DLG2: variants seen among roughly 807,000 people sequenced by gnomAD.
The protein encoded by DLG2 is discs large MAGUK scaffold protein 2, also known as disks large homolog 2.
DLG2 carries 45 observed loss-of-function variants against 132.5 expected under a neutral mutation model. That is an observed-to-expected ratio of 0.34 (90% CI 0.27 to 0.44). DLG2 has a LOEUF of 0.44. DLG2 is among the 20% of genes least tolerant of loss of function. The probability of loss-of-function intolerance (pLI) is 1.00; values close to 1 mark genes in which losing one functional copy is unlikely to be tolerated. For missense variants in DLG2, 1,045 were observed against 1,196.9 expected, an observed-to-expected ratio of 0.87 and a Z score of 1.87; for synonymous variants, 424 against 419.6, an observed-to-expected ratio of 1.01 and a Z score of -0.13.
intron 19 of DLG2, among the ~76,000 whole-genome samples, chr11:83,598,488 C>G (rs1411292292): frequency 6.6e-6 from 1 of 152,208 alleles, no homozygotes; most frequent in Non-Finnish European, 1.5e-5. Context: ...CAAAATGGTT[C>G]TAATACTGCT....
At chr11:85,200,990 C>T (rs1379635494) in intron 4 of DLG2, among the ~76,000 whole-genome samples, 2 of 151,950 alleles carry the variant, frequency 1.3e-5, no homozygotes, top group African/African-American at 4.8e-5. Flanking sequence ...GACTCATGCT[C>T]CTCATGGCTA....
intron 15 of DLG2, among the ~76,000 whole-genome samples, chr11:83,899,504 C>A (rs184679324): frequency 2.0e-5 from 3 of 152,254 alleles, no homozygotes; most frequent in Non-Finnish European, 4.4e-5. Flanking sequence ...GTGGGAGGGA[C>A]CTGGTGGGAG....
chr11:84,680,586 T>C (rs1417654246), intron 6 of DLG2, among the ~76,000 whole-genome samples: 1 of 152,166 alleles, frequency 6.6e-6, no homozygotes, highest in East Asian at 1.9e-4. Context: ...TCCCAAATAT[T>C]TGTCTAAAAA....
At chr11:84,210,883 G>A (rs1216958567) in intron 8 of DLG2, among the ~76,000 whole-genome samples, 4 of 152,168 alleles carry the variant, frequency 2.6e-5, no homozygotes, top group African/African-American at 9.6e-5. Context: ...GGTGATGTCA[G>A]TACTCTATAT....
intron 3 of DLG2, among the ~76,000 whole-genome samples, chr11:85,359,801 A>G (rs77839459): frequency 0.035 from 5,318 of 152,302 alleles, 143 homozygotes; most frequent in Admixed American, 0.049. Flanking sequence ...GGAGTACTAC[A>G]GAGGAGTAGA....
chr11:83,594,249 T>C (rs947381524), intron 19 of DLG2, among the ~76,000 whole-genome samples: 2 of 152,218 alleles, frequency 1.3e-5, no homozygotes, highest in Non-Finnish European at 2.9e-5. Flanking sequence ...AGCTCTAAGA[T>C]TGTGGCCCCT....
chr11:85,294,378 C>T (rs1156405232), intron 3 of DLG2, among the ~76,000 whole-genome samples: 1 of 151,604 alleles, frequency 6.6e-6, no homozygotes, highest in Middle Eastern at 3.4e-3. Flanking sequence ...GAAAGAGACT[C>T]GAAGAGGAAT....
chr11:85,398,511 A>G (rs1050450559), intron 3 of DLG2, among the ~76,000 whole-genome samples: 1 of 152,172 alleles, frequency 6.6e-6, no homozygotes, highest in Non-Finnish European at 1.5e-5. Flanking sequence ...GAAAATATCA[A>G]CAAAATTGAT....
At chr11:84,612,289 T>C (rs2099596821) in intron 6 of DLG2, among the ~76,000 whole-genome samples, 2 of 152,174 alleles carry the variant, frequency 1.3e-5, no homozygotes, top group South Asian at 2.1e-4. Flanking sequence ...AGTATTTCAA[T>C]GTATGGAAGT....
At chr11:83,808,435 G>C (rs1297669603) in intron 17 of DLG2, among the ~76,000 whole-genome samples, 1 of 152,154 alleles carries the variant, frequency 6.6e-6, no homozygotes, top group Admixed American at 6.5e-5. Flanking sequence ...GAGACCAAGA[G>C]GCATTAAGTC....
At chr11:84,452,858 A>G (rs1255668955) in intron 7 of DLG2, among the ~76,000 whole-genome samples, 1 of 151,732 alleles carries the variant, frequency 6.6e-6, no homozygotes, top group African/African-American at 2.4e-5. Flanking sequence ...TTCAGCCTCT[A>G]CAATGTAGCA....
intron 4 of DLG2, among the ~76,000 whole-genome samples, chr11:85,161,807 T>G (rs919976484): frequency 6.6e-6 from 1 of 152,200 alleles, no homozygotes; most frequent in Non-Finnish European, 1.5e-5. Flanking sequence ...GACAATACTT[T>G]GCAGGGCTTG....
At chr11:84,612,890 T>A (rs1164673062) in intron 6 of DLG2, among the ~76,000 whole-genome samples, 1 of 152,160 alleles carries the variant, frequency 6.6e-6, no homozygotes, top group African/African-American at 2.4e-5. Context: ...GTGGCTGTGA[T>A]TTGAGTCCAG....
At chr11:84,339,895 C>T (rs1055175649) in intron 7 of DLG2, among the ~76,000 whole-genome samples, 1 of 152,142 alleles carries the variant, frequency 6.6e-6, no homozygotes, top group Non-Finnish European at 1.5e-5. Flanking sequence ...GAAAAATAAT[C>T]ATGACGACTT....
intron 8 of DLG2, among the ~76,000 whole-genome samples, chr11:84,207,814 G>A (rs1363187107): frequency 1.3e-5 from 2 of 152,088 alleles, no homozygotes; most frequent in African/African-American, 2.4e-5. Context: ...CTCATCAAAA[G>A]TCACTCTTGA....
At chr11:84,322,843 G>A (rs1786349551) in intron 7 of DLG2, among the ~76,000 whole-genome samples, 1 of 152,062 alleles carries the variant, frequency 6.6e-6, no homozygotes, top group South Asian at 2.1e-4. Context: ...ACCTGTCTTG[G>A]CCTCCCAAAG....
intron 3 of DLG2, among the ~76,000 whole-genome samples, chr11:85,387,479 A>G (rs1354102211): frequency 3.3e-5 from 5 of 152,334 alleles, no homozygotes; most frequent in Non-Finnish European, 4.4e-5. Context: ...ATTACACTCA[A>G]TGTGTAACAT....
rs548266967 is a variant in DLG2 at position 84,807,633 on chromosome 11, G to A, written c.358-272902C>T. ...AAGAAATTCACTTTCAAATGTAATC[G>A]AGGCAGGTTGAAAGTGAAAAATAGG... On this transcript the variant is annotated intron_variant, in intron 6 of 27. Transcript: ENST00000376104. 5.9e-5 allele frequency among the ~76,000 whole-genome samples: 9 copies of A among 152,148 alleles called. No homozygotes were observed. In the South Asian group the frequency reaches 1.7e-3, roughly 28 times the overall value.
At chr11:83,864,204 C>A (rs1400308) in intron 16 of DLG2, among the ~76,000 whole-genome samples, 6,489 of 152,236 alleles carry the variant, frequency 0.043, 361 homozygotes, top group African/African-American at 0.12. Context: ...AAATTCCACC[C>A]GAACAGTGCT....
Sources: gnomAD v4.1 joint callset for allele counts (sites outside exome capture counted in the v4.1 genomes callset) on GRCh38, gnomAD v4.1.1 for gene constraint, MANE v1.5 for transcripts, NCBI Gene and HGNC (gene_info 2026-07-23, HGNC 2026-07-21) for gene names.